The following LARS2 variants were observed in gnomAD, a reference collection of about 807,000 sequenced individuals.
LARS2 encodes leucyl-tRNA synthetase 2, mitochondrial.
In LARS2, 81 loss-of-function variants were observed where a neutral mutation model predicts 116.6. The ratio of observed to expected loss-of-function variants is 0.69; its 90% CI spans 0.58 to 0.84. The LOEUF (loss-of-function observed/expected upper bound fraction) is 0.84. Ranked by LOEUF, LARS2 falls within the 40% of genes least tolerant of loss-of-function variation. LARS2 has a pLI of 0.00. For synonymous variants in LARS2, 396 were observed against 407.2 expected (o/e 0.97, Z 0.33); for missense variants, 968 against 1,114.5 (o/e 0.87, Z 1.87).
chr3:45,547,150 A>G (rs558702417), intron 21 of LARS2, among the ~76,000 whole-genome samples: 83 of 152,304 alleles, frequency 5.4e-4, no homozygotes, highest in Non-Finnish European at 7.9e-4. Flanking sequence ...CTCTTTCTGC[A>G]GGTCTAGGCA....
intron 4 of LARS2, among the ~76,000 whole-genome samples, chr3:45,417,073 C>CAAAAAAAAAAAAAAAAAAAAA (rs1172623065): frequency 1.5e-5 from 1 of 67,698 alleles, no homozygotes. Context: ...GACTCTGTCT[C>CAAAAAAAAAAAAAAAAAAAAA]AAAAAAAAAA....
At chr3:45,496,112 G>T (rs1328936805) in intron 13 of LARS2, among the ~76,000 whole-genome samples, 163 bp from the exon 14 acceptor site, 1 of 152,158 alleles carries the variant, frequency 6.6e-6, no homozygotes, top group Non-Finnish European at 1.5e-5. Context: ...ACCCACCTCA[G>T]CCTCCCAAAG....
intron 7 of LARS2, among the ~76,000 whole-genome samples, chr3:45,450,463 A>G (rs1450977124): frequency 3.3e-5 from 5 of 152,102 alleles, no homozygotes; most frequent in Non-Finnish European, 7.4e-5. Context: ...CCACTTTTTT[A>G]AGCTCTCACA....
intron 4 of LARS2, among the ~76,000 whole-genome samples, chr3:45,415,373 T>A (rs1698396027): frequency 6.6e-6 from 1 of 152,234 alleles, no homozygotes; most frequent in Non-Finnish European, 1.5e-5. Flanking sequence ...CACTTTACTG[T>A]GTGGCAGGCA....
At chr3:45,453,995 A>C (rs1444720859) in intron 7 of LARS2, among the ~76,000 whole-genome samples, 1 of 152,090 alleles carries the variant, frequency 6.6e-6, no homozygotes, top group East Asian at 1.9e-4. Context: ...GTGATCTAGA[A>C]GGGACAGGCA....
intron 6 of LARS2, among the ~76,000 whole-genome samples, chr3:45,423,281 C>T (rs929814883): frequency 5.9e-5 from 9 of 151,934 alleles, no homozygotes; most frequent in Non-Finnish European, 1.3e-4. Context: ...GGGGTATATC[C>T]TGAGATGTTA....
At chr3:45,469,045 T>C (rs941450742) in intron 8 of LARS2, among the ~76,000 whole-genome samples, 1 of 152,218 alleles carries the variant, frequency 6.6e-6, no homozygotes, top group Non-Finnish European at 1.5e-5. Context: ...TGAAATCCCA[T>C]GAAACCACAC....
chr3:45,478,946 G>A (rs1039369859), intron 10 of LARS2, among the ~76,000 whole-genome samples: 1 of 152,072 alleles, frequency 6.6e-6, no homozygotes, highest in Non-Finnish European at 1.5e-5. Context: ...TTTAAACCAG[G>A]ATGTTGTATC....
intron 20 of LARS2, among the ~76,000 whole-genome samples, chr3:45,536,582 G>A (rs1169462625): frequency 2.0e-5 from 3 of 152,244 alleles, no homozygotes; most frequent in African/African-American, 2.4e-5. Context: ...TGCTCCTGGG[G>A]AGTGAACTCA....
At chr3:45,398,724 AG>A (rs1340113611) in intron 3 of LARS2, among the ~76,000 whole-genome samples, 3 of 152,186 alleles carry the variant, frequency 2.0e-5, no homozygotes, top group Admixed American at 2.0e-4. Context: ...AGTGCTCCAT[AG>A]GGGCCAGTTA....
In LARS2 at chr3:45,491,796, C is replaced by G; in HGVS notation, c.1519C>G (p.Pro507Ala). 1 of 1,613,336 alleles carries G rather than the reference C, an allele frequency of 6.2e-7. No individual in the cohort carries two copies. The highest frequency in any genetic ancestry group is 2.2e-5 in the East Asian group (1 of 44,870). ...MASEWVNCSC[P>A]RCKGAAKRET... ...TTCAGAGTGGGTGAACTGCTCCTGC[C>G]CAAGGTAAGGAGCCACATCCCTGCA... Residue 507 changes from proline to alanine, a missense_variant, in exon 13 of 22, where the codon CCA (proline) becomes GCA (alanine). Physicochemically the swap from Pro to Ala is conservative, Grantham distance 27 (BLOSUM62 -1). Transcript: ENST00000645846.
intron 21 of LARS2, among the ~76,000 whole-genome samples, chr3:45,543,494 G>C (rs1418183399): frequency 6.8e-6 from 1 of 147,808 alleles, no homozygotes; most frequent in East Asian, 2.0e-4. Context: ...GTGAGACAGA[G>C]TCTCTCTCAC....
intron 10 of LARS2, among the ~76,000 whole-genome samples, chr3:45,478,644 T>A (rs1699652918): frequency 6.6e-6 from 1 of 152,226 alleles, no homozygotes; most frequent in South Asian, 2.1e-4. Flanking sequence ...GAAGGGCTCA[T>A]TAGTTACTTT....
Position 45,524,036 on chromosome 3 carries a change from G to C in LARS2, c.2332G>C (p.Glu778Gln). 1 of 1,614,016 alleles carries C rather than the reference G, an allele frequency of 6.2e-7. No individual in the cohort carries two copies. The highest frequency in any genetic ancestry group is 8.5e-7 in the Non-Finnish European group (1 of 1,179,966). ...CGTCATTCTCCACAGCCCCGAGTTT[G>C]AGGATGCTTTGTGTGCCCTGATGGT... ...QSVILHSPEFEDALCALMVMA... is the reference protein window; with the variant it reads ...QSVILHSPEFQDALCALMVMA... Residue 778 changes from glutamate (E) to glutamine (Q), a missense_variant, in exon 20 of 22, where the codon GAG becomes CAG. Coordinates refer to ENST00000645846, the MANE Select transcript of LARS2 (RefSeq NM_015340.4).
chr3:45,436,329 A>T (rs1379869136), intron 6 of LARS2, among the ~76,000 whole-genome samples: 1 of 151,634 alleles, frequency 6.6e-6, no homozygotes, highest in Non-Finnish European at 1.5e-5. Flanking sequence ...TGTAGATTAA[A>T]TTAATGTTCT....
chr3:45,483,376 C>T (rs1012026109), intron 10 of LARS2, among the ~76,000 whole-genome samples: 1 of 152,188 alleles, frequency 6.6e-6, no homozygotes, highest in African/African-American at 2.4e-5. Flanking sequence ...AGGCCAGGTG[C>T]AATGGCTCAT....
Position 45,458,802 on chromosome 3 carries a change from A to G in LARS2, c.666A>G (p.Glu222=). ...TGCTTGCCAATGAGCAGGTGGATGA[A>G]CATGGCTGTTCATGGCGTTCTGGAG... ...QTVLANEQVD[E]HGCSWRSGAK... Residue 222 remains glutamate (E), a synonymous_variant, in exon 8 of 22, where the codon GAA becomes GAG. Coordinates refer to ENST00000645846, the MANE Select transcript of LARS2 (RefSeq NM_015340.4). The G allele has an allele frequency of 6.2e-7, 1 of 1,614,174 alleles. No individual in the cohort carries two copies. Among genetic ancestry groups the G allele is most frequent in the Middle Eastern group, 1.6e-4 (1 of 6,062 alleles).
At chr3:45,491,340 G>A (rs1699911079) in intron 12 of LARS2, among the ~76,000 whole-genome samples, 177 bp from the exon 13 acceptor site, 1 of 152,130 alleles carries the variant, frequency 6.6e-6, no homozygotes, top group Non-Finnish European at 1.5e-5. Flanking sequence ...TTATCTGAAG[G>A]AGCAAGGAGC....
chr3:45,400,862 G>A (rs1698134516), intron 4 of LARS2, among the ~76,000 whole-genome samples: 1 of 151,712 alleles, frequency 6.6e-6, no homozygotes, highest in Admixed American at 6.6e-5. Flanking sequence ...CGCCCAGGCT[G>A]GAGTGCAGTG....
Sources: gnomAD v4.1 joint callset for allele counts (sites outside exome capture counted in the v4.1 genomes callset) on GRCh38, gnomAD v4.1.1 for gene constraint, MANE v1.5 for transcripts, NCBI Gene and HGNC (gene_info 2026-07-23, HGNC 2026-07-21) for gene names.